Variants in DMD observed in about 807,000 individuals in gnomAD.
The protein encoded by DMD is dystrophin.
In DMD, 63 loss-of-function variants were observed where a neutral mutation model predicts 330.1. That is an observed-to-expected ratio of 0.19 (90% CI 0.16 to 0.24). The LOEUF is 0.24. Among genes scored for constraint, DMD ranks in the 10% least tolerant of loss-of-function variants. The pLI is 1.00. For synonymous variants in DMD, 1,223 were observed against 959.8 expected (o/e 1.27, Z -5.07); for missense variants, 3,344 against 2,684.1 (o/e 1.25, Z -5.43).
intron 48 of DMD, among the ~76,000 whole-genome samples, chrX:31,868,420 C>A (rs1438915884): frequency 1.8e-5 from 2 of 111,592 alleles, no homozygotes; most frequent in African/African-American, 3.3e-5. Context: ...GAAATTCTTA[C>A]CGAGTATTCT....
At chrX:31,460,398 T>C (rs1447428088) in intron 59 of DMD, among the ~76,000 whole-genome samples, 1 of 112,104 alleles carries the variant, frequency 8.9e-6, no homozygotes, top group East Asian at 2.8e-4. Context: ...ATCTAGCAAG[T>C]AGATTTTACT....
At chrX:32,664,122 G>A (rs1279355642) in intron 9 of DMD, among the ~76,000 whole-genome samples, 1 of 111,465 alleles carries the variant, frequency 9.0e-6, no homozygotes, top group Non-Finnish European at 1.9e-5. Flanking sequence ...AAGCAGGCAG[G>A]CTTGTTTAAA....
At chrX:31,320,810 T>A (rs1298371880) in intron 62 of DMD, among the ~76,000 whole-genome samples, 1 of 112,220 alleles carries the variant, frequency 8.9e-6, no homozygotes, top group African/African-American at 3.2e-5. Context: ...GAGATTATAA[T>A]TGTAGAGAGA....
chrX:32,919,496 A>G (rs1167535069), intron 2 of DMD, among the ~76,000 whole-genome samples: 2 of 112,203 alleles, frequency 1.8e-5, no homozygotes, highest in East Asian at 5.6e-4. Context: ...GCTACACCTT[A>G]AAGTTACCTT....
At chrX:32,989,386 C>G (rs1334875871) in intron 2 of DMD, among the ~76,000 whole-genome samples, 1 of 111,751 alleles carries the variant, frequency 8.9e-6, no homozygotes, top group Non-Finnish European at 1.9e-5. Flanking sequence ...AATGACTGCT[C>G]TGATTAGCAT....
chrX:32,523,883 GTTGT>G (rs758429496), intron 17 of DMD, among the ~76,000 whole-genome samples: 37 of 108,090 alleles, frequency 3.4e-4, no homozygotes, highest in Non-Finnish European at 4.4e-4. Flanking sequence ...AAGAAACAAA[GTTGT>G]TTGTTTTTAG....
chrX:32,994,888 A>G (rs2093074700), intron 2 of DMD, among the ~76,000 whole-genome samples: 2 of 112,491 alleles, frequency 1.8e-5, no homozygotes, highest in Non-Finnish European at 3.7e-5. Context: ...TAAAGCAGGT[A>G]GATCACCTGA....
intron 43 of DMD, among the ~76,000 whole-genome samples, chrX:32,220,913 A>C (rs745500221): frequency 4.5e-5 from 5 of 111,739 alleles, no homozygotes; most frequent in African/African-American, 1.6e-4. Context: ...AAGGGCAAAA[A>C]AATGTCAGTA....
chrX:32,614,832 G>A (rs779389365), intron 11 of DMD, among the ~76,000 whole-genome samples: 1 of 110,671 alleles, frequency 9.0e-6, no homozygotes, highest in Non-Finnish European at 1.9e-5. Context: ...CCCTTCAAGA[G>A]ATGAGGTCTA....
chrX:33,277,829 C>T (rs904387511), intron 1 of DMD, among the ~76,000 whole-genome samples: 10 of 111,343 alleles, frequency 9.0e-5, no homozygotes, highest in African/African-American at 3.3e-4. Flanking sequence ...AAATAGAGAC[C>T]AGATGCAGTG....
chrX:32,733,590 G>C (rs1405331963), intron 7 of DMD, among the ~76,000 whole-genome samples: 1 of 111,418 alleles, frequency 9.0e-6, no homozygotes, highest in Non-Finnish European at 1.9e-5. Context: ...AATCAAACTA[G>C]AACTCAGAAT....
intron 4 of DMD, 81 bp from the exon 5 acceptor site, chrX:32,823,468 G>C: frequency 1.5e-6 from 1 of 689,480 alleles, no homozygotes; most frequent in Non-Finnish European, 2.3e-6. Flanking sequence ...AAAACGTGAA[G>C]GTAATTGCAT....
intron 2 of DMD, among the ~76,000 whole-genome samples, chrX:32,870,678 G>A (rs1445414428): frequency 1.8e-5 from 2 of 110,608 alleles, no homozygotes; most frequent in Non-Finnish European, 3.8e-5. Context: ...ATGGGGAAAG[G>A]ATTCCCTATT....
At chrX:32,214,590 G>A (rs1470810850) in intron 44 of DMD, among the ~76,000 whole-genome samples, 2 of 111,625 alleles carry the variant, frequency 1.8e-5, no homozygotes, top group African/African-American at 6.5e-5. Flanking sequence ...ACGAGCCCCA[G>A]TGAAAAATTT....
At chrX:31,834,885 A>T (rs1463494) in intron 49 of DMD, among the ~76,000 whole-genome samples, 2 of 110,178 alleles carry the variant, frequency 1.8e-5, no homozygotes, top group South Asian at 7.7e-4. Flanking sequence ...GGAAGGAAAA[A>T]AACAGTGCTG....
chrX:31,422,016 TAA>T (rs199805393), intron 60 of DMD, among the ~76,000 whole-genome samples: 77 of 55,464 alleles, frequency 1.4e-3, no homozygotes, highest in African/African-American at 5.5e-3. Context: ...TATATATATA[TAA>T]ACACACACAC....
chrX:32,346,061 G>A lies in DMD; in HGVS notation c.5468C>T (p.Thr1823Ile), dbSNP rs1465595838. The A allele has an allele frequency of 8.3e-7, 1 of 1,209,269 alleles. No individual in the cohort carries two copies. The highest frequency in any genetic ancestry group is 1.8e-5 in the South Asian group (1 of 56,951). ...TCCTCTTTGCAACAATTCTTTTACAGTACCCTCATTGTCTTCATTCTGATC... is the reference window on the plus strand; with the variant it reads ...TCCTCTTTGCAACAATTCTTTTACAATACCCTCATTGTCTTCATTCTGATC... ...NKDMNEDNEGTVKELLQRGDN... is the reference protein window; with the variant it reads ...NKDMNEDNEGIVKELLQRGDN... Residue 1823 changes from threonine (T) to isoleucine (I), a missense_variant, in exon 39 of 79, where the codon ACT becomes ATT. Coordinates refer to ENST00000357033, the MANE Select transcript of DMD (RefSeq NM_004006.3).
chrX:31,278,023 A>AT (rs2052303879), intron 62 of DMD, among the ~76,000 whole-genome samples: 1 of 29,183 alleles, frequency 3.4e-5, no homozygotes, highest in Non-Finnish European at 5.6e-5. Flanking sequence ...ATTAAAAAAA[A>AT]AAAAAAAATA....
intron 1 of DMD, among the ~76,000 whole-genome samples, chrX:33,105,321 A>G (rs1330310440): frequency 2.7e-5 from 3 of 111,235 alleles, no homozygotes; most frequent in Non-Finnish European, 5.7e-5. Context: ...AAACCATAAA[A>G]CTCCTCAAAG....
Sources: allele counts gnomAD v4.1 joint callset (sites outside exome capture counted in the v4.1 genomes callset), GRCh38; gene constraint gnomAD v4.1.1; transcripts MANE v1.5; gene names NCBI Gene and HGNC (gene_info 2026-07-23, HGNC 2026-07-21).